The following GALNT10 variants were observed in gnomAD, a reference collection of about 807,000 sequenced individuals.
GALNT10 encodes GalNAc transferase 10.
A neutral mutation model predicts 75.0 loss-of-function variants in GALNT10; 41 were observed. The ratio of observed to expected loss-of-function variants is 0.55; its 90% confidence interval spans 0.43 to 0.71. GALNT10 has a LOEUF of 0.71. GALNT10 is among the 30% of genes least tolerant of loss of function. The probability of loss-of-function intolerance (pLI) is 0.00; values close to 1 mark genes in which losing one functional copy is unlikely to be tolerated. For synonymous variants in GALNT10, 302 were observed against 313.0 expected, an observed-to-expected ratio of 0.96 and a Z score of 0.37; for missense variants, 727 against 818.5, an observed-to-expected ratio of 0.89 and a Z score of 1.36.
chr5:154,268,533 G>A (rs140956755), intron 1 of GALNT10, among the ~76,000 whole-genome samples: 56 of 152,296 alleles, frequency 3.7e-4, no homozygotes, highest in African/African-American at 1.3e-3. Context: ...GATAAACAGT[G>A]TGCACATCTG....
intron 3 of GALNT10, among the ~76,000 whole-genome samples, chr5:154,324,515 G>C (rs537020992): frequency 6.6e-6 from 1 of 152,310 alleles, no homozygotes; most frequent in African/African-American, 2.4e-5. Context: ...AATCTCCCCA[G>C]AGTGCCTCCC....
At chr5:154,324,525 C>A (rs1754725646) in intron 3 of GALNT10, among the ~76,000 whole-genome samples, 1 of 152,174 alleles carries the variant, frequency 6.6e-6, no homozygotes, top group Admixed American at 6.5e-5. Flanking sequence ...GAGTGCCTCC[C>A]AAGAAGCCGT....
At position 154,412,837 on chromosome 5, in the gene GALNT10, T is replaced by TG; in HGVS notation, c.1387-49dup. The TG allele has an allele frequency of 8.1e-7, 1 of 1,232,818 alleles. No individual in the cohort carries two copies. The highest frequency in any genetic ancestry group is 1.2e-5 in the South Asian group (1 of 83,194). The allele number at this position is 1,232,818 out of a possible 1,614,324, so 76.4% of individuals were successfully genotyped here. ...CCCCTTTCACCTGGCAGGGACCCGG[T>TG]GGGCACCTTAAGGCACCTCAGTGGT... On this transcript the variant is annotated intron_variant, in intron 9 of 11. Transcript: ENST00000297107. This position sits in a 1 kb window ranked among gnomAD's most constrained non-coding sequence, Gnocchi z 4.2.
chr5:154,415,672 A>G (rs1333963561), intron 10 of GALNT10, 111 bp from the exon 11 acceptor site: 21 of 1,033,234 alleles, frequency 2.0e-5, no homozygotes, highest in African/African-American at 8.1e-5. Context: ...ACAGGTTAAT[A>G]TATTATTATT....
At chr5:154,363,142 T>G (rs142807960) in intron 4 of GALNT10, among the ~76,000 whole-genome samples, 1 of 152,284 alleles carries the variant, frequency 6.6e-6, no homozygotes, top group African/African-American at 2.4e-5. Flanking sequence ...TATTGTCAAC[T>G]GGACAAAACA....
intron 1 of GALNT10, among the ~76,000 whole-genome samples, chr5:154,198,585 T>C (rs1292723974): frequency 6.6e-6 from 1 of 152,142 alleles, no homozygotes; most frequent in Non-Finnish European, 1.5e-5. Context: ...GGGAAGGAAA[T>C]TGTGCATGCA....
chr5:154,379,379 A>G (rs543960356), intron 5 of GALNT10, among the ~76,000 whole-genome samples: 23 of 152,226 alleles, frequency 1.5e-4, no homozygotes, highest in Non-Finnish European at 2.6e-4. Flanking sequence ...AGGAAAAAGC[A>G]AAAATGCTGT....
chr5:154,270,991 CAAAA>C (rs5872366), intron 1 of GALNT10, among the ~76,000 whole-genome samples: 3 of 76,120 alleles, frequency 3.9e-5, no homozygotes, highest in South Asian at 4.8e-4. Context: ...GATTCCATCT[CAAAA>C]AAAAAAAAAA....
At chr5:154,264,459 C>T (rs1375171021) in intron 1 of GALNT10, among the ~76,000 whole-genome samples, 3 of 151,954 alleles carry the variant, frequency 2.0e-5, no homozygotes, top group Non-Finnish European at 4.4e-5. Flanking sequence ...TGCTGAAGTA[C>T]TCAGTGACCA....
At chr5:154,323,323 G>T (rs932722399) in intron 3 of GALNT10, among the ~76,000 whole-genome samples, 1 of 151,760 alleles carries the variant, frequency 6.6e-6, no homozygotes. Context: ...AGTGAGCTAC[G>T]ATTGCACCAC....
In GALNT10 at chr5:154,416,933, C is replaced by A; in HGVS notation, c.1773C>A (p.His591Gln). 1 of 1,614,180 alleles carries A rather than the reference C, an allele frequency of 6.2e-7. No individual in the cohort carries two copies. Among genetic ancestry groups the A allele is most frequent in the Non-Finnish European group, 8.5e-7 (1 of 1,179,980 alleles). The change falls in exon 12 of 12, where the codon CAC becomes CAA. Residue 591 changes from histidine to glutamine, a missense_variant. Transcript: ENST00000297107. This position sits in a 1 kb window ranked among gnomAD's most constrained non-coding sequence, Gnocchi z 4.5. ...SSLTQQWLFE[H>Q]TNSTVLEKFN... ...TCACCCAGCAGTGGCTGTTTGAACA[C>A]ACCAACTCAACAGTCTTGGAAAAAT...
rs1323478085 is a variant in GALNT10, at chr5:154,415,841, A to G, written c.1562A>G (p.Lys521Arg). 6.2e-7 allele frequency: 1 copy of G among 1,613,996 alleles called. No homozygotes were observed. The highest frequency in any genetic ancestry group is 8.5e-7 in the Non-Finnish European group (1 of 1,179,982). Residue 521 changes from lysine to arginine, a missense_variant, in exon 11 of 12, where the codon AAG becomes AGG. Physicochemically the swap from Lys to Arg is conservative, Grantham distance 26. Coordinates refer to ENST00000297107, the MANE Select transcript of GALNT10 (RefSeq NM_198321.4). ...CCTGGAGACCCCCAGCACACCAAGA[A>G]GTTCTGCTTTGATGCCATTTCCCAC... ...IRPGDPQHTK[K>R]FCFDAISHTS...
At chr5:154,232,645 G>A (rs1228259284) in intron 1 of GALNT10, among the ~76,000 whole-genome samples, 3 of 152,172 alleles carry the variant, frequency 2.0e-5, no homozygotes, top group Non-Finnish European at 4.4e-5. Context: ...GAAGAAGCCT[G>A]GGGAAGAATG....
intron 1 of GALNT10, among the ~76,000 whole-genome samples, chr5:154,236,703 T>A (rs1753251706): frequency 6.6e-6 from 1 of 152,206 alleles, no homozygotes; most frequent in East Asian, 1.9e-4. Context: ...CACTTTTGAG[T>A]ATTTATGATC....
intron 10 of GALNT10, among the ~76,000 whole-genome samples, 171 bp from the exon 11 acceptor site, chr5:154,415,612 G>A (rs1021405711): frequency 6.6e-6 from 1 of 152,110 alleles, no homozygotes; most frequent in African/African-American, 2.4e-5. Flanking sequence ...ACTGCTGGGT[G>A]AGCCACCGCA....
intron 4 of GALNT10, among the ~76,000 whole-genome samples, chr5:154,337,079 C>A (rs1754954892): frequency 6.6e-6 from 1 of 152,130 alleles, no homozygotes; most frequent in Non-Finnish European, 1.5e-5. Context: ...CATGCTTTTT[C>A]CCCCATTTAT....
intron 1 of GALNT10, among the ~76,000 whole-genome samples, chr5:154,200,687 G>C (rs1447418098): frequency 6.6e-6 from 1 of 151,978 alleles, no homozygotes; most frequent in Non-Finnish European, 1.5e-5. Flanking sequence ...TTGGATTTGT[G>C]GTTATTTTAT....
chr5:154,350,031 C>T (rs1215937373), intron 4 of GALNT10, among the ~76,000 whole-genome samples: 1 of 152,248 alleles, frequency 6.6e-6, no homozygotes, highest in Admixed American at 6.5e-5. Flanking sequence ...TGAGACAGCA[C>T]AGATACAGAT....
At chr5:154,383,678 G>A (rs1755766594) in intron 6 of GALNT10, among the ~76,000 whole-genome samples, 1 of 152,144 alleles carries the variant, frequency 6.6e-6, no homozygotes, top group South Asian at 2.1e-4. Flanking sequence ...AAAGCCTTGA[G>A]TTCAGTCTCC....
Sources: gnomAD v4.1 joint callset for allele counts (sites outside exome capture counted in the v4.1 genomes callset) on GRCh38, gnomAD v4.1.1 for gene constraint, Gnocchi (gnomAD v3.1) non-coding constraint, MANE v1.5 for transcripts, NCBI Gene and HGNC (gene_info 2026-07-23, HGNC 2026-07-21) for gene names.